Variants in EPS15 observed in about 807,000 individuals in gnomAD.
EPS15 encodes the protein epidermal growth factor receptor pathway substrate 15, also known as epidermal growth factor receptor substrate 15.
EPS15 carries 72 observed loss-of-function variants against 113.8 expected under a neutral mutation model. That is an observed-to-expected ratio of 0.63 (90% CI 0.52 to 0.77). EPS15 has a LOEUF of 0.77. EPS15 is among the 30% of genes least tolerant of loss of function. The probability of loss-of-function intolerance (pLI) is 0.00; values close to 1 mark genes in which losing one functional copy is unlikely to be tolerated. For missense variants in EPS15, 1,048 were observed against 1,045.8 expected, an observed-to-expected ratio of 1.00 and a Z score of -0.03; for synonymous variants, 344 against 363.4, an observed-to-expected ratio of 0.95 and a Z score of 0.61.
intron 8 of EPS15, among the ~76,000 whole-genome samples, chr1:51,449,742 C>T (rs907587860): frequency 2.0e-5 from 3 of 151,338 alleles, no homozygotes; most frequent in African/African-American, 7.3e-5. Context: ...GTTTTTCAGA[C>T]AGTTTGGGGA....
intron 13 of EPS15, among the ~76,000 whole-genome samples, chr1:51,420,611 T>C (rs1162448957): frequency 6.6e-6 from 1 of 152,164 alleles, no homozygotes; most frequent in African/African-American, 2.4e-5. Context: ...AATAATGTAA[T>C]TCAGATAACT....
intron 13 of EPS15, among the ~76,000 whole-genome samples, chr1:51,419,789 CAG>C (rs1158539190): frequency 6.6e-6 from 1 of 152,074 alleles, no homozygotes; most frequent in Non-Finnish European, 1.5e-5. Context: ...ATGGGTAAAT[CAG>C]AGTTACCTCA....
At chr1:51,457,484 G>T (rs978168509) in intron 8 of EPS15, 15 of 142,422 alleles carry the variant, frequency 1.1e-4, no homozygotes, top group African/African-American at 3.9e-4. Flanking sequence ...AAGTGTTTTG[G>T]ATTTTTTCGG....
intron 16 of EPS15, among the ~76,000 whole-genome samples, chr1:51,404,580 C>T (rs1420807971): frequency 1.3e-5 from 2 of 152,182 alleles, no homozygotes; most frequent in Admixed American, 1.3e-4. Context: ...ATCCCTTCTA[C>T]GGGTACAGTC....
At chr1:51,468,336 T>C (rs1041907488) in intron 5 of EPS15, 137 bp downstream of exon 5, 28 of 678,568 alleles carry the variant, frequency 4.1e-5, no homozygotes, top group South Asian at 6.9e-5. Flanking sequence ...CAGGAGCCAG[T>C]AGGGGGAAAA....
chr1:51,408,797 ATT>A (rs34612487), intron 14 of EPS15, among the ~76,000 whole-genome samples: 18 of 109,540 alleles, frequency 1.6e-4, no homozygotes, highest in Non-Finnish European at 1.1e-4. Flanking sequence ...CTGGCTTTCA[ATT>A]TTTTTTTTTT....
At chr1:51,399,432 G>C (rs1648293863) in intron 19 of EPS15, among the ~76,000 whole-genome samples, 1 of 148,700 alleles carries the variant, frequency 6.7e-6, no homozygotes, top group Admixed American at 6.7e-5. Flanking sequence ...CGCACCTATA[G>C]TCCCAGCTAC....
chr1:51,356,977 T>G (rs1646231703), intron 24 of EPS15, 131 bp from the exon 25 acceptor site: 2 of 687,424 alleles, frequency 2.9e-6, no homozygotes, highest in Non-Finnish European at 4.7e-6. Flanking sequence ...TTAATTCTTT[T>G]TTTTTTCCCC....
At chr1:51,464,324 C>T (rs1304540535) in intron 6 of EPS15, among the ~76,000 whole-genome samples, 1 of 151,036 alleles carries the variant, frequency 6.6e-6, no homozygotes, top group African/African-American at 2.4e-5. Flanking sequence ...ACTGTAGCCT[C>T]CACCTCCCGG....
At chr1:51,378,542 A>T (rs1188296322) in intron 21 of EPS15, among the ~76,000 whole-genome samples, 1 of 152,166 alleles carries the variant, frequency 6.6e-6, no homozygotes, top group Non-Finnish European at 1.5e-5. Context: ...CATCTAAAAA[A>T]ATCTAATTCA....
At chr1:51,402,321 T>C (rs533310377) in intron 18 of EPS15, 114 bp downstream of exon 18, 8 of 542,986 alleles carry the variant, frequency 1.5e-5, no homozygotes, top group African/African-American at 6.0e-5. Context: ...CACTCCAGCC[T>C]GGGCGACAGA....
intron 21 of EPS15, among the ~76,000 whole-genome samples, chr1:51,385,448 A>G (rs1647040759): frequency 6.6e-6 from 1 of 152,214 alleles, no homozygotes; most frequent in African/African-American, 2.4e-5. Context: ...ACCACTGTGA[A>G]TTGTTGGCTG....
intron 8 of EPS15, among the ~76,000 whole-genome samples, chr1:51,460,206 C>T (rs1356873199): frequency 1.3e-5 from 2 of 151,952 alleles, no homozygotes; most frequent in East Asian, 1.9e-4. Context: ...TAATTCCTTA[C>T]CAAAATAAAA....
chr1:51,365,135 A>G (rs549523900), intron 22 of EPS15, among the ~76,000 whole-genome samples: 1 of 152,350 alleles, frequency 6.6e-6, no homozygotes, highest in East Asian at 1.9e-4. Context: ...CCTGGCTGGA[A>G]TGATAAATCT....
chr1:51,502,084 AT>A (rs201226465), intron 1 of EPS15, among the ~76,000 whole-genome samples: 4,819 of 152,290 alleles, frequency 0.032, 123 homozygotes, highest in Non-Finnish European at 0.05. Flanking sequence ...CCTGGGCAAC[AT>A]AGTGAGACTC....
chr1:51,435,080 A>G (rs1652035036), intron 12 of EPS15, among the ~76,000 whole-genome samples: 1 of 152,236 alleles, frequency 6.6e-6, no homozygotes, highest in Non-Finnish European at 1.5e-5. Flanking sequence ...GAAAAAAAAG[A>G]AAAACTAAGT....
Position 51,359,757 on chromosome 1 carries a change from A to G in EPS15, c.2544+1414T>C, listed in dbSNP as rs532476468. On this transcript the variant is annotated intron_variant, in intron 24 of 24. Transcript: ENST00000371733. The stretch of plus-strand genomic sequence containing the variant: ...TAAGAGCAAAACTCATCTCAAAAAA[A>G]AAAAAAAATCAGTATAATTCTGGCA... 2.1e-3 allele frequency among the ~76,000 whole-genome samples: 317 copies of G among 152,268 alleles called. 3 individuals carry two copies. Among genetic ancestry groups the G allele is most frequent in the African/African-American group, 7.4e-3 (307 of 41,556 alleles).
chr1:51,430,043 C>T (rs989102977), intron 12 of EPS15, among the ~76,000 whole-genome samples: 1 of 152,154 alleles, frequency 6.6e-6, no homozygotes, highest in Non-Finnish European at 1.5e-5. Flanking sequence ...TTTAGCAACA[C>T]AGCTCTTCTT....
chr1:51,506,492 T>C (rs1445361122), intron 1 of EPS15, among the ~76,000 whole-genome samples: 1 of 152,126 alleles, frequency 6.6e-6, no homozygotes, highest in Non-Finnish European at 1.5e-5. Context: ...TAAAAACAGA[T>C]TGCAAAGTTT....
Sources: allele counts gnomAD v4.1 joint callset (sites outside exome capture counted in the v4.1 genomes callset), GRCh38; gene constraint gnomAD v4.1.1; transcripts MANE v1.5; gene names NCBI Gene and HGNC (gene_info 2026-07-23, HGNC 2026-07-21).